The following CD99 variants were observed in gnomAD, a reference collection of about 807,000 sequenced individuals.
CD99 encodes CD99 molecule (Xg blood group), also known as CD99 antigen.
CD99 carries 19 observed loss-of-function variants against 28.4 expected under a neutral mutation model. That is an observed-to-expected ratio of 0.67 (90% CI 0.47 to 0.98). The LOEUF (loss-of-function observed/expected upper bound fraction) is 0.98. Ranked by LOEUF, CD99 falls within the 50% of genes least tolerant of loss-of-function variation. The pLI, the probability that CD99 is intolerant of heterozygous loss-of-function variation, is 0.00. For synonymous variants in CD99, 103 were observed against 92.1 expected, an observed-to-expected ratio of 1.12 and a Z score of -0.67; for missense variants, 283 against 248.8, an observed-to-expected ratio of 1.14 and a Z score of -0.92.
chrX:2,703,522 T>G (rs1019930208), intron 1 of CD99, among the ~76,000 whole-genome samples: 3 of 152,132 alleles, frequency 2.0e-5, no homozygotes, highest in Non-Finnish European at 2.9e-5. Flanking sequence ...TAGTTCACTA[T>G]TCGCTAATTC....
intron 8 of CD99, chrX:2,727,419 C>T (rs905478633): frequency 1.5e-5 from 11 of 748,316 alleles, no homozygotes; most frequent in Non-Finnish European, 2.2e-5. Context: ...TCTTGCCTTC[C>T]CTCTTGCATG....
intron 8 of CD99, among the ~76,000 whole-genome samples, chrX:2,736,873 TAATAAATA>T (rs766963512): frequency 4.0e-5 from 6 of 148,664 alleles, no homozygotes; most frequent in East Asian, 2.0e-4. Flanking sequence ...ATAATAATAA[TAATAAATA>T]AATAAATAAA....
At chrX:2,697,924 A>C (rs2047652120) in intron 1 of CD99, among the ~76,000 whole-genome samples, 1 of 151,804 alleles carries the variant, frequency 6.6e-6, no homozygotes, top group Non-Finnish European at 1.5e-5. Context: ...GGATCTGGGC[A>C]AGCAGGAGAT....
intron 5 of CD99, among the ~76,000 whole-genome samples, chrX:2,720,794 T>C (rs1424678889): frequency 6.6e-6 from 1 of 152,032 alleles, no homozygotes; most frequent in Admixed American, 6.6e-5. Flanking sequence ...CCGGCTAATT[T>C]TTGTATTTTT....
intron 8 of CD99, among the ~76,000 whole-genome samples, chrX:2,735,664 A>G (rs1233966219): frequency 1.3e-5 from 2 of 152,210 alleles, no homozygotes; most frequent in African/African-American, 4.8e-5. Context: ...ATTTCTAGCC[A>G]GGACAGTTTG....
rs1386646944 is a variant in CD99, at chrX:2,691,426, G to A, written c.66G>A (p.Pro22=). The change falls in exon 1 of 10, where the codon CCG becomes CCA. Residue 22 remains proline (P), a splice_region_variant and synonymous_variant. Coordinates refer to ENST00000381192, the MANE Select transcript of CD99 (RefSeq NM_002414.5). Reference sequence around the variant, plus strand: ...TGCTGGGTGTTCTGGTCGCCGCCCCGGGTGAGCGAGCGGAGGGATCCGGGT... The same window carrying A: ...TGCTGGGTGTTCTGGTCGCCGCCCCAGGTGAGCGAGCGGAGGGATCCGGGT... The part of the protein sequence containing the change: ...FGLLGVLVAA[P]DGGFDLSDAL... 1.3e-6 allele frequency: 2 copies of A among 1,582,806 alleles called. No individual in the cohort carries two copies. Among genetic ancestry groups the A allele is most frequent in the Non-Finnish European group, 1.7e-6 (2 of 1,173,498 alleles).
intron 3 of CD99, chrX:2,719,349 G>C (rs1212289177): frequency 2.7e-6 from 1 of 364,236 alleles, no homozygotes; most frequent in Non-Finnish European, 4.9e-6. Context: ...TTTCAACTTG[G>C]TCCAGGCAAC....
At chrX:2,717,271 C>A (rs2124025120) in intron 2 of CD99, 2 of 237,118 alleles carry the variant, frequency 8.4e-6, no homozygotes, top group East Asian at 1.7e-4. Flanking sequence ...TCGCTTGAAC[C>A]CAGGAGGCAG....
At chrX:2,727,299 T>G in intron 8 of CD99, 3 of 779,266 alleles carry the variant, frequency 3.8e-6, no homozygotes, top group Non-Finnish European at 7.2e-6. Context: ...CTAGGTCAGC[T>G]GGCAGGCTCT....
chrX:2,737,222 C>T (rs988954905), intron 8 of CD99, among the ~76,000 whole-genome samples: 11 of 152,126 alleles, frequency 7.2e-5, no homozygotes, highest in Non-Finnish European at 1.2e-4. Context: ...CTGTCACCCA[C>T]GCTGGAGTGC....
chrX:2,734,884 T>C lies in CD99; in HGVS notation c.476-3316T>C, dbSNP rs375431702. 1.7e-4 allele frequency among the ~76,000 whole-genome samples: 26 copies of C among 152,240 alleles called. No homozygotes were observed. The East Asian group carries it at 1.7e-3, about 10-fold the overall frequency. On this transcript the variant is annotated intron_variant, in intron 8 of 9. Transcript: ENST00000381192. ...TGGAAATGAGGCACAGCCTCCCTTA[T>C]GGTTGAGCCGTAGTTCTAGCTGAGC...
At chrX:2,694,850 G>C (rs1438140911) in intron 1 of CD99, among the ~76,000 whole-genome samples, 1 of 152,112 alleles carries the variant, frequency 6.6e-6, no homozygotes, top group African/African-American at 2.4e-5. Context: ...TTACACTTTG[G>C]AGATACTCAA....
In CD99 at chrX:2,726,168, T is replaced by C; in HGVS notation, c.362-92T>C. On this transcript the variant is annotated intron_variant, in intron 7 of 9. Coordinates refer to ENST00000381192, the MANE Select transcript of CD99 (RefSeq NM_002414.5). ...AGATGTTCTGAGGATCTTGGTGCTC[T>C]CAGACTGACTGTCTCTGCCAGCCAC... is the stretch of plus-strand genomic sequence containing the variant. 1.6e-5 allele frequency: 12 copies of C among 749,484 alleles called. No individual in the cohort carries two copies. In the South Asian group the frequency reaches 1.9e-4, roughly 12 times the overall value. 46.4% of individuals were successfully genotyped at this position (749,484 alleles called of 1,614,324 possible). A position where few individuals can be genotyped will look rare whatever the true frequency, so the allele number is the denominator to read the frequency against.
intron 7 of CD99, among the ~76,000 whole-genome samples, chrX:2,723,902 G>T (rs1239826345): frequency 2.0e-5 from 3 of 151,504 alleles, no homozygotes; most frequent in Non-Finnish European, 4.4e-5. Flanking sequence ...TTTTAAAACT[G>T]TAAAGAAAAC....
intron 8 of CD99, among the ~76,000 whole-genome samples, chrX:2,732,161 T>C (rs1301459966): frequency 3.9e-5 from 6 of 152,090 alleles, no homozygotes; most frequent in Non-Finnish European, 7.3e-5. Flanking sequence ...TTTTTGTCCA[T>C]GTGATACGAA....
chrX:2,730,737 AG>A (rs2049555425), intron 8 of CD99, among the ~76,000 whole-genome samples: 2 of 152,104 alleles, frequency 1.3e-5, no homozygotes, highest in Middle Eastern at 3.4e-3. Context: ...AACAAAGAGA[AG>A]CAAGAGATGG....
chrX:2,717,863 G>A (rs1427236518), intron 3 of CD99: 16 of 591,518 alleles, frequency 2.7e-5, no homozygotes, highest in Non-Finnish European at 4.6e-5. Flanking sequence ...GAAATGTTTC[G>A]GGGCCATTTG....
At chrX:2,699,467 CTTT>C (rs749766023) in intron 1 of CD99, among the ~76,000 whole-genome samples, 7 of 120,862 alleles carry the variant, frequency 5.8e-5, no homozygotes, top group Admixed American at 8.7e-5. Flanking sequence ...CGCGCCCAGC[CTTT>C]TTTTTTTTTT....
At chrX:2,737,192 T>A (rs2049987006) in intron 8 of CD99, among the ~76,000 whole-genome samples, 1 of 152,198 alleles carries the variant, frequency 6.6e-6, no homozygotes, top group Admixed American at 6.5e-5. Flanking sequence ...TTTTAATTTT[T>A]ATTTTGAGAC....
Sources: allele counts gnomAD v4.1 joint callset (sites outside exome capture counted in the v4.1 genomes callset), GRCh38; gene constraint gnomAD v4.1.1; transcripts MANE v1.5; gene names NCBI Gene and HGNC (gene_info 2026-07-23, HGNC 2026-07-21).